The following ATP2B1 variants were observed in gnomAD, a reference collection of about 807,000 sequenced individuals.
The protein encoded by ATP2B1 is ATPase plasma membrane Ca2+ transporting 1.
ATP2B1 carries 14 observed loss-of-function variants against 124.2 expected under a neutral mutation model. The observed-to-expected ratio is 0.11, with a 90% CI of 0.07 to 0.18. ATP2B1 has a LOEUF of 0.18. Among genes scored for constraint, ATP2B1 ranks in the 10% least tolerant of loss-of-function variants. The pLI is 1.00. For missense variants in ATP2B1, 763 were observed against 1,466.1 expected, an observed-to-expected ratio of 0.52 and a Z score of 7.83; for synonymous variants, 449 against 492.4, an observed-to-expected ratio of 0.91 and a Z score of 1.17.
intron 8 of ATP2B1, among the ~76,000 whole-genome samples, chr12:89,625,873 T>TA (rs1182533107): frequency 2.6e-5 from 4 of 152,226 alleles, no homozygotes; most frequent in Non-Finnish European, 4.4e-5. Flanking sequence ...GCAATTTTAA[T>TA]AATATATGCT....
At chr12:89,658,598 G>GAGA (rs1886258752) in intron 1 of ATP2B1, among the ~76,000 whole-genome samples, 7 of 69,578 alleles carry the variant, frequency 1.0e-4, no homozygotes, top group African/African-American at 3.6e-4. Flanking sequence ...AATTCAAACA[G>GAGA]GAGAGAGAGA....
Position 89,708,730 on chromosome 12 carries a change from G to A in ATP2B1, c.-356C>T, listed in dbSNP as rs1038377519. The A allele has an allele frequency of 2.0e-5, 3 of 152,048 alleles. No individual in the cohort carries two copies. The highest frequency in any genetic ancestry group is 4.1e-4 in the South Asian group (2 of 4,832). The allele number at this position is 152,048 out of a possible 1,614,324, so 9.4% of individuals were successfully genotyped here. On this transcript the variant is annotated 5_prime_UTR_variant, in exon 1 of 21. Coordinates refer to ENST00000428670, the MANE Select transcript of ATP2B1 (RefSeq NM_001366521.1). ...TCAGCGCGTCCGCAGCCGGCTCGCA[G>A]GGCTCGGGGCGCCACGCGGAGGTGC...
At chr12:89,705,152 T>C (rs530863713) in intron 1 of ATP2B1, among the ~76,000 whole-genome samples, 13 of 152,270 alleles carry the variant, frequency 8.5e-5, no homozygotes, top group African/African-American at 3.1e-4. Context: ...ATAGATAACA[T>C]TTCTAAAAGC....
At chr12:89,594,498 T>C (rs1233400305) in intron 20 of ATP2B1, 1 of 151,630 alleles carries the variant, frequency 6.6e-6, no homozygotes, top group Non-Finnish European at 1.5e-5. Flanking sequence ...ACCTACTCTG[T>C]GGAGCATACT....
intron 2 of ATP2B1, among the ~76,000 whole-genome samples, chr12:89,648,299 A>G (rs1202940202): frequency 6.6e-6 from 1 of 152,146 alleles, no homozygotes. Flanking sequence ...AGATATAAAC[A>G]CTGAAGTCCA....
At chr12:89,689,000 A>G (rs1890259437) in intron 1 of ATP2B1, among the ~76,000 whole-genome samples, 1 of 152,138 alleles carries the variant, frequency 6.6e-6, no homozygotes, top group Non-Finnish European at 1.5e-5. Flanking sequence ...ATTCATTATC[A>G]AATTCTCTTT....
At chr12:89,684,862 A>G (rs181286022) in intron 1 of ATP2B1, among the ~76,000 whole-genome samples, 17 of 152,278 alleles carry the variant, frequency 1.1e-4, no homozygotes, top group Admixed American at 9.8e-4. Flanking sequence ...ATTTCCTTTT[A>G]GAATTTCCTT....
intron 1 of ATP2B1, among the ~76,000 whole-genome samples, chr12:89,678,266 C>T (rs1888921135): frequency 6.6e-6 from 1 of 151,998 alleles, no homozygotes; most frequent in Non-Finnish European, 1.5e-5. Context: ...TCAATCCCCT[C>T]GTGGAATACA....
At chr12:89,604,501 A>T (rs1285715654) in intron 15 of ATP2B1, among the ~76,000 whole-genome samples, 155 bp from the exon 16 acceptor site, 2 of 152,204 alleles carry the variant, frequency 1.3e-5, no homozygotes, top group Admixed American at 1.3e-4. Flanking sequence ...TTATTCTAAG[A>T]TATTACTAGG....
At chr12:89,634,655 A>G (rs896705415) in intron 5 of ATP2B1, 123 bp downstream of exon 5, 7 of 1,084,094 alleles carry the variant, frequency 6.5e-6, no homozygotes, top group African/African-American at 6.4e-5. Flanking sequence ...TTACAACAGT[A>G]GAAGGTAGCA....
intron 1 of ATP2B1, among the ~76,000 whole-genome samples, chr12:89,705,551 T>C (rs1892350523): frequency 6.6e-6 from 1 of 152,168 alleles, no homozygotes; most frequent in Non-Finnish European, 1.5e-5. Context: ...TAAGTGGCCG[T>C]TCCTTTTAAA....
intron 1 of ATP2B1, among the ~76,000 whole-genome samples, chr12:89,698,153 C>T (rs1565929241): frequency 6.6e-6 from 1 of 152,014 alleles, no homozygotes; most frequent in African/African-American, 2.4e-5. Context: ...CCATCCCCAG[C>T]ACAAACACAA....
At chr12:89,659,419 A>C (rs781737743) in intron 1 of ATP2B1, among the ~76,000 whole-genome samples, 2 of 152,082 alleles carry the variant, frequency 1.3e-5, no homozygotes, top group Non-Finnish European at 2.9e-5. Context: ...GGAGGTGGGC[A>C]AAAAAGGTTA....
At chr12:89,678,210 C>T (rs1297063117) in intron 1 of ATP2B1, among the ~76,000 whole-genome samples, 1 of 151,856 alleles carries the variant, frequency 6.6e-6, no homozygotes, top group African/African-American at 2.4e-5. Context: ...CCCTAAAAAA[C>T]CCCCAATAAC....
intron 11 of ATP2B1, among the ~76,000 whole-genome samples, chr12:89,618,806 C>A (rs1442405895): frequency 1.3e-5 from 2 of 152,126 alleles, no homozygotes; most frequent in African/African-American, 4.8e-5. Context: ...TTATATGCTG[C>A]CTTCAGTTAT....
At chr12:89,668,829 T>C (rs1211027034) in intron 1 of ATP2B1, among the ~76,000 whole-genome samples, 5 of 152,176 alleles carry the variant, frequency 3.3e-5, no homozygotes, top group African/African-American at 1.2e-4. Context: ...CTCTTAGATT[T>C]CCCATCTCCT....
chr12:89,606,914 TTTC>T lies in ATP2B1; in HGVS notation c.2443-2571_2443-2569del, dbSNP rs539535933. The stretch of plus-strand genomic sequence containing the variant: ...TTTAACACACTTAAACTCAATGGGA[TTTC>T]TTGATTCTCATCATACCCATATTAT... On this transcript the variant is annotated intron_variant, in intron 15 of 20. Transcript: ENST00000428670. 8.5e-5 allele frequency among the ~76,000 whole-genome samples: 13 copies of T among 152,240 alleles called. No homozygotes were observed. In the South Asian group the frequency reaches 2.7e-3, roughly 32 times the overall value.
In ATP2B1 at chr12:89,611,375, G is replaced by T; in HGVS notation, c.2068-3C>A. 6 of 1,484,046 alleles carry T rather than the reference G, an allele frequency of 4.0e-6. No homozygotes were observed. The highest frequency in any genetic ancestry group is 1.4e-5 in the South Asian group (1 of 69,284). The allele number at this position is 1,484,046 out of a possible 1,614,324, so 91.9% of individuals were successfully genotyped here. A position where few individuals can be genotyped will look rare whatever the true frequency, so the allele number is the denominator to read the frequency against. On this transcript the variant is annotated splice_polypyrimidine_tract_variant and splice_region_variant and intron_variant, in intron 12 of 20. Transcript: ENST00000428670. ...CACTTTTTAATTGCATCTGGCACCT[G>T]GTTTACATTAAAAAAAAAAATTACA... is the stretch of plus-strand genomic sequence containing the variant.
intron 12 of ATP2B1, 125 bp downstream of exon 12, chr12:89,616,677 G>T: frequency 1.2e-6 from 1 of 823,308 alleles, no homozygotes. Flanking sequence ...TTTATCTTGG[G>T]TTCACACAGA....
Sources: gnomAD v4.1 joint callset for allele counts (sites outside exome capture counted in the v4.1 genomes callset) on GRCh38, gnomAD v4.1.1 for gene constraint, MANE v1.5 for transcripts, NCBI Gene and HGNC (gene_info 2026-07-23, HGNC 2026-07-21) for gene names.